SNX24: variants seen among roughly 807,000 people sequenced by gnomAD.
SNX24 encodes sorting nexin 24, also known as sorting nexin-24.
A neutral mutation model predicts 28.7 loss-of-function variants in SNX24; 22 were observed. The observed-to-expected ratio is 0.77, with a 90% CI of 0.55 to 1.10. The LOEUF is 1.10. Ranked by LOEUF, SNX24 falls within the 50% of genes least tolerant of loss-of-function variation. The probability of loss-of-function intolerance (pLI) is 0.00; values close to 1 mark genes in which losing one functional copy is unlikely to be tolerated. For missense variants in SNX24, 221 were observed against 201.1 expected (o/e 1.10, Z -0.60); for synonymous variants, 69 against 71.5 (o/e 0.96, Z 0.18).
chr5:122,950,173 G>T (rs1759877445), intron 3 of SNX24, among the ~76,000 whole-genome samples: 1 of 152,026 alleles, frequency 6.6e-6, no homozygotes, highest in Non-Finnish European at 1.5e-5. Context: ...CTCAGTAAAA[G>T]GTCTATGCCA....
intron 1 of SNX24, among the ~76,000 whole-genome samples, chr5:122,882,817 G>A (rs989124395): frequency 5.3e-5 from 8 of 151,782 alleles, no homozygotes; most frequent in African/African-American, 1.9e-4. Flanking sequence ...TTTAAATTAT[G>A]AATAATAACA....
intron 3 of SNX24, among the ~76,000 whole-genome samples, chr5:122,982,612 A>G (rs1272479831): frequency 6.6e-6 from 1 of 152,184 alleles, no homozygotes; most frequent in Non-Finnish European, 1.5e-5. Context: ...TTGTTAACAC[A>G]TAATGCCTTT....
chr5:122,928,901 C>T (rs964393526), intron 1 of SNX24, among the ~76,000 whole-genome samples: 1 of 149,950 alleles, frequency 6.7e-6, no homozygotes, highest in Non-Finnish European at 1.5e-5. Context: ...CCATCAAGAC[C>T]TCACCCAAAA....
rs57930558 is a variant in SNX24, at chr5:122,932,858, C to CA, written c.61-3850dup. On this transcript the variant is annotated intron_variant, in intron 1 of 6. Transcript: ENST00000261369. ...GGGGCGACAGAGCAAGACTCTGTCT[C>CA]AAAAAAAAAAAAAAAAAAAAAAAAA... Among the ~76,000 whole-genome samples the CA allele has an allele frequency of 3.1e-3, 271 of 87,926 alleles. 6 individuals are homozygous for CA. The highest frequency in any genetic ancestry group is 6.3e-3 in the Middle Eastern group (1 of 158). The allele number at this position is 87,926 out of a possible 152,430, so 57.7% of individuals were successfully genotyped here.
chr5:122,985,085 G>A (rs1354291687), intron 3 of SNX24, among the ~76,000 whole-genome samples: 1 of 152,122 alleles, frequency 6.6e-6, no homozygotes, highest in African/African-American at 2.4e-5. Flanking sequence ...TGTTCTGTTT[G>A]GATTATTTTT....
intron 3 of SNX24, among the ~76,000 whole-genome samples, chr5:122,981,374 C>T (rs1466116221): frequency 6.6e-6 from 1 of 152,128 alleles, no homozygotes; most frequent in Non-Finnish European, 1.5e-5. Flanking sequence ...GACAACTTGA[C>T]TCTTAAATAT....
intron 2 of SNX24, among the ~76,000 whole-genome samples, chr5:122,939,705 T>C (rs1361063249): frequency 6.6e-6 from 1 of 152,200 alleles, no homozygotes; most frequent in African/African-American, 2.4e-5. Flanking sequence ...TAAGGGCAAA[T>C]TGCTGGGCAA....
chr5:122,975,461 TATTCTCTAC>T (rs1316548966), intron 3 of SNX24, among the ~76,000 whole-genome samples: 2 of 152,220 alleles, frequency 1.3e-5, no homozygotes, highest in Non-Finnish European at 2.9e-5. Flanking sequence ...CATTGTATTA[TATTCTCTAC>T]ATTGATAGGG....
rs1762470985 is a variant in SNX24, at chr5:123,007,848, G to T, written c.*99G>T. ...AACCTAAACGCTATGATATATAACAGCTCTAGCTAGTGGTAAAGTGCACAG... is the reference window on the plus strand; with the variant it reads ...AACCTAAACGCTATGATATATAACATCTCTAGCTAGTGGTAAAGTGCACAG... On this transcript the variant is annotated 3_prime_UTR_variant, in exon 7 of 7. Coordinates refer to ENST00000261369, the MANE Select transcript of SNX24 (RefSeq NM_014035.4). 1 of 1,528,364 alleles carries T rather than the reference G, an allele frequency of 6.5e-7. No individual in the cohort carries two copies. Among genetic ancestry groups the T allele is most frequent in the South Asian group, 1.3e-5 (1 of 79,682 alleles). 94.7% of individuals were successfully genotyped at this position (1,528,364 alleles called of 1,614,324 possible).
chr5:122,948,271 T>C (rs928127458), intron 3 of SNX24, among the ~76,000 whole-genome samples: 2 of 152,166 alleles, frequency 1.3e-5, no homozygotes, highest in Non-Finnish European at 2.9e-5. Context: ...TAAGACAGCA[T>C]TACTGTTTCT....
At chr5:122,867,389 G>A (rs1755769444) in intron 1 of SNX24, among the ~76,000 whole-genome samples, 1 of 152,180 alleles carries the variant, frequency 6.6e-6, no homozygotes, top group Non-Finnish European at 1.5e-5. Flanking sequence ...ATTCCAGTAA[G>A]GACAAAACTC....
chr5:122,877,605 C>T (rs532959264), intron 1 of SNX24, among the ~76,000 whole-genome samples: 191 of 152,258 alleles, frequency 1.3e-3, no homozygotes, highest in African/African-American at 4.5e-3. Flanking sequence ...TACTCAGCAC[C>T]TCTGAACCAA....
chr5:122,932,037 G>A (rs1205850011), intron 1 of SNX24, among the ~76,000 whole-genome samples: 1 of 151,970 alleles, frequency 6.6e-6, no homozygotes, highest in Non-Finnish European at 1.5e-5. Flanking sequence ...TAATTTCAGA[G>A]ATGTTACCAC....
At chr5:123,014,462 G>T (rs565630791) in intron 5 of SNX24, among the ~76,000 whole-genome samples, 1 of 144,172 alleles carries the variant, frequency 6.9e-6, no homozygotes, top group African/African-American at 2.6e-5. Context: ...GATTATAGTT[G>T]TGCGGCCTAT....
chr5:122,916,233 T>C (rs1216836360), intron 1 of SNX24, among the ~76,000 whole-genome samples: 1 of 152,250 alleles, frequency 6.6e-6, no homozygotes, highest in African/African-American at 2.4e-5. Context: ...ATTAGTAGTC[T>C]GAGTCTGCAT....
chr5:122,939,962 T>C (rs149872112), intron 2 of SNX24, among the ~76,000 whole-genome samples: 96 of 152,088 alleles, frequency 6.3e-4, no homozygotes, highest in Non-Finnish European at 4.9e-4. Flanking sequence ...CAAATTCTTA[T>C]AATACACACT....
At chr5:123,022,041 T>C (rs2150187340) in intron 5 of SNX24, among the ~76,000 whole-genome samples, 1 of 151,950 alleles carries the variant, frequency 6.6e-6, no homozygotes, top group Non-Finnish European at 1.5e-5. Flanking sequence ...GACATGGGCA[T>C]ATTTTTTTTT....
intron 1 of SNX24, among the ~76,000 whole-genome samples, chr5:122,933,937 C>T (rs246310): frequency 0.77 from 116,744 of 151,702 alleles, 45,780 homozygotes; most frequent in East Asian, 0.99. Context: ...CACGCACCAC[C>T]ACACCCAGCT....
At chr5:122,853,596 TG>T in intron 1 of SNX24, 1 of 285,010 alleles carries the variant, frequency 3.5e-6, no homozygotes, top group Non-Finnish European at 7.3e-6. Flanking sequence ...TTGTTTTCAT[TG>T]AGCTAGAAAT....
Sources: allele counts gnomAD v4.1 joint callset (sites outside exome capture counted in the v4.1 genomes callset), GRCh38; gene constraint gnomAD v4.1.1; transcripts MANE v1.5; gene names NCBI Gene and HGNC (gene_info 2026-07-23, HGNC 2026-07-21).